The following TNKS variants were observed in gnomAD, a reference collection of about 807,000 sequenced individuals.
The protein encoded by TNKS is poly [ADP-ribose] polymerase tankyrase-1.
TNKS carries 72 observed loss-of-function variants against 135.8 expected under a neutral mutation model. That is an observed-to-expected ratio of 0.53 (90% CI 0.44 to 0.64). The LOEUF (loss-of-function observed/expected upper bound fraction) is 0.64. Among genes scored for constraint, TNKS ranks in the 30% least tolerant of loss-of-function variants. TNKS has a pLI of 0.00. For synonymous variants in TNKS, 849 were observed against 649.3 expected (o/e 1.31, Z -4.68); for missense variants, 1,769 against 1,674.0 (o/e 1.06, Z -0.99).
chr8:9,761,870 A>G (rs1250018422), intron 21 of TNKS, among the ~76,000 whole-genome samples: 1 of 152,076 alleles, frequency 6.6e-6, no homozygotes, highest in Non-Finnish European at 1.5e-5. Context: ...GAATCTCTGT[A>G]CTTCTGTCCT....
At chr8:9,680,596 G>T (rs780335286) in intron 4 of TNKS, 129 bp from the exon 5 acceptor site, 2 of 617,464 alleles carry the variant, frequency 3.2e-6, no homozygotes, top group African/African-American at 3.7e-5. Flanking sequence ...TTGCAAAAGA[G>T]ATTTATTGTG....
intron 15 of TNKS, 78 bp from the exon 16 acceptor site, chr8:9,734,787 G>C (rs769733430): frequency 5.6e-6 from 7 of 1,242,704 alleles, no homozygotes; most frequent in Admixed American, 2.3e-5. Context: ...CAAAGGTAGA[G>C]TAAATTAATT....
rs1475964315 is a variant in TNKS, at chr8:9,782,002, A to G, written c.*5266A>G. 3 of 152,368 alleles carry G rather than the reference A, an allele frequency of 2.0e-5. No homozygotes were observed. The highest frequency in any genetic ancestry group is 4.4e-5 in the Non-Finnish European group (3 of 68,040). The allele number at this position is 152,368 out of a possible 1,614,324, so 9.4% of individuals were successfully genotyped here. On this transcript the variant is annotated 3_prime_UTR_variant, in exon 27 of 27. Coordinates refer to ENST00000310430, the MANE Select transcript of TNKS (RefSeq NM_003747.3). ...ATATTTGGCATATATTTACAGTAAA[A>G]GCATTCATTATTTGTCTGAAATTCA...
chr8:9,724,854 C>T (rs1021414723), intron 12 of TNKS, among the ~76,000 whole-genome samples: 4 of 152,092 alleles, frequency 2.6e-5, no homozygotes, highest in African/African-American at 9.7e-5. Context: ...GTAGACAGTC[C>T]GCATCAAGAT....
At chr8:9,616,122 C>T (rs1418951822) in intron 3 of TNKS, among the ~76,000 whole-genome samples, 1 of 152,120 alleles carries the variant, frequency 6.6e-6, no homozygotes, top group African/African-American at 2.4e-5. Flanking sequence ...CCCTTGCCAC[C>T]CCGTTTATAC....
At chr8:9,615,359 T>C in intron 2 of TNKS, 2 of 363,902 alleles carry the variant, frequency 5.5e-6, no homozygotes, top group South Asian at 1.1e-4. Context: ...ATGTTTATGA[T>C]GTTAAGTCAT....
At chr8:9,750,713 A>T (rs562785407) in intron 18 of TNKS, among the ~76,000 whole-genome samples, 1 of 152,056 alleles carries the variant, frequency 6.6e-6, no homozygotes, top group Non-Finnish European at 1.5e-5. Context: ...GCTGCCCACT[A>T]AGCCACCCCC....
At chr8:9,650,478 C>G (rs1585277475) in intron 3 of TNKS, among the ~76,000 whole-genome samples, 2 of 152,144 alleles carry the variant, frequency 1.3e-5, no homozygotes, top group East Asian at 3.9e-4. Context: ...ACACCAACAT[C>G]TGTTATTTTT....
chr8:9,583,057 C>G (rs1448485877), intron 2 of TNKS, among the ~76,000 whole-genome samples: 1 of 150,794 alleles, frequency 6.6e-6, no homozygotes, highest in Admixed American at 6.6e-5. Flanking sequence ...GTCCCAGCTA[C>G]TTAGGAGGCT....
intron 2 of TNKS, among the ~76,000 whole-genome samples, chr8:9,608,371 G>T (rs1283370363): frequency 6.6e-6 from 1 of 151,852 alleles, no homozygotes; most frequent in Non-Finnish European, 1.5e-5. Flanking sequence ...TCTGTTCTAG[G>T]TCATGCTGCT....
chr8:9,602,161 A>G (rs1047911105), intron 2 of TNKS, among the ~76,000 whole-genome samples: 1 of 152,174 alleles, frequency 6.6e-6, no homozygotes, highest in Non-Finnish European at 1.5e-5. Flanking sequence ...CGTTAAGTGC[A>G]TTCAACAGAC....
chr8:9,704,438 G>A lies in TNKS; in HGVS notation c.1108-225G>A, dbSNP rs187147006. The stretch of plus-strand genomic sequence containing the variant: ...GGTAGGGTAAGGTTTGATTACTGAT[G>A]GCCTTAAAAAAACAAGTAAGTGAAA... On this transcript the variant is annotated intron_variant, in intron 5 of 26. Coordinates refer to ENST00000310430, the MANE Select transcript of TNKS (RefSeq NM_003747.3). 3.0e-3 allele frequency among the ~76,000 whole-genome samples: 457 copies of A among 152,026 alleles called. 3 individuals are homozygous for A. Among genetic ancestry groups the A allele is most frequent in the African/African-American group, 0.01 (431 of 41,462 alleles).
intron 2 of TNKS, among the ~76,000 whole-genome samples, chr8:9,591,406 G>A (rs1184304552): frequency 2.0e-5 from 3 of 152,184 alleles, no homozygotes; most frequent in Non-Finnish European, 4.4e-5. Context: ...ATGTCTCAGC[G>A]TGGACATGTT....
Position 9,717,101 on chromosome 8 carries a change from A to ATT in TNKS, c.1750-3270_1750-3269dup, listed in dbSNP as rs370418249. The stretch of plus-strand genomic sequence containing the variant: ...TATATATATATATATATATATATAT[A>ATT]TTTTCAGGGAATTTGATTGTTTCTT... On this transcript the variant is annotated intron_variant, in intron 11 of 26. Coordinates refer to ENST00000310430, the MANE Select transcript of TNKS (RefSeq NM_003747.3). Among the ~76,000 whole-genome samples, 64 of 119,322 alleles carry ATT rather than the reference A, an allele frequency of 5.4e-4. 4 individuals are homozygous for ATT. The highest frequency in any genetic ancestry group is 1.5e-3 in the African/African-American group (53 of 34,580). 78.3% of individuals were successfully genotyped at this position (119,322 alleles called of 152,430 possible).
At chr8:9,753,688 A>G (rs1806674111) in intron 20 of TNKS, among the ~76,000 whole-genome samples, 1 of 152,240 alleles carries the variant, frequency 6.6e-6, no homozygotes, top group African/African-American at 2.4e-5. Context: ...TTATTCTCCC[A>G]GGTGTAGGGA....
chr8:9,604,889 C>G (rs1036534044), intron 2 of TNKS, among the ~76,000 whole-genome samples: 1 of 151,674 alleles, frequency 6.6e-6, no homozygotes, highest in Non-Finnish European at 1.5e-5. Context: ...TACTTCAGTA[C>G]TTCAGTCTTG....
intron 11 of TNKS, among the ~76,000 whole-genome samples, chr8:9,712,698 G>GGGCAACACA (rs1804397739): frequency 6.6e-6 from 1 of 151,746 alleles, no homozygotes; most frequent in African/African-American, 2.4e-5. Flanking sequence ...GAGATCAGCT[G>GGGCAACACA]GGCAACACAG....
chr8:9,681,203 A>T (rs1802767848), intron 5 of TNKS: 1 of 154,510 alleles, frequency 6.5e-6, no homozygotes, highest in African/African-American at 2.4e-5. Flanking sequence ...GCTAGATACC[A>T]ACACTTTTTC....
At chr8:9,772,132 TG>T (rs1453001288) in intron 26 of TNKS, among the ~76,000 whole-genome samples, 2 of 149,292 alleles carry the variant, frequency 1.3e-5, no homozygotes, top group African/African-American at 2.5e-5. Context: ...AGGGATGACA[TG>T]GGACTCATCA....
Sources: gnomAD v4.1 joint callset for allele counts (sites outside exome capture counted in the v4.1 genomes callset) on GRCh38, gnomAD v4.1.1 for gene constraint, MANE v1.5 for transcripts, NCBI Gene and HGNC (gene_info 2026-07-23, HGNC 2026-07-21) for gene names.